The following SANBR variants were observed in gnomAD, a reference collection of about 807,000 sequenced individuals.
The protein encoded by SANBR is SANT and BTB domain regulator of class switch recombination.
In SANBR, 77 loss-of-function variants were observed where a neutral mutation model predicts 101.8. The ratio of observed to expected loss-of-function variants is 0.76; its 90% CI spans 0.63 to 0.91. The LOEUF (loss-of-function observed/expected upper bound fraction) is 0.91, where lower values mean the gene tolerates loss of function less well. Ranked by LOEUF, SANBR falls within the 40% of genes least tolerant of loss-of-function variation. SANBR has a pLI of 0.00. For synonymous variants in SANBR, 279 were observed against 274.7 expected (o/e 1.02, Z -0.15); for missense variants, 875 against 853.0 (o/e 1.03, Z -0.32).
chr2:61,081,628 TA>T, intron 7 of SANBR, 118 bp downstream of exon 7: 1 of 1,119,386 alleles, frequency 8.9e-7, no homozygotes, highest in Non-Finnish European at 1.2e-6. Context: ...AAAAACAATT[TA>T]AAAAATTGTT....
rs1224656517 is a variant in SANBR at position 61,097,833 on chromosome 2, A to G, written c.1346A>G (p.Asp449Gly). The change falls in exon 12 of 22, where the codon GAT (aspartate) becomes GGT (glycine). Residue 449 changes from aspartate to glycine, a missense_variant. Coordinates refer to ENST00000402291, the MANE Select transcript of SANBR (RefSeq NM_001129993.3). Reference sequence around the variant, plus strand: ...TGTAACCAAAAGGTTCTTCGGTTTGATCCTACTCAGCTTACAAAGGTGAAT... The same window carrying G: ...TGTAACCAAAAGGTTCTTCGGTTTGGTCCTACTCAGCTTACAAAGGTGAAT... The part of the protein sequence containing the change: ...PCCNQKVLRF[D>G]PTQLTKGCKV... The G allele has an allele frequency of 1.2e-6, 2 of 1,612,726 alleles. No individual in the cohort carries two copies. Among genetic ancestry groups the G allele is most frequent in the South Asian group, 2.2e-5 (2 of 90,912 alleles).
At chr2:61,096,192 G>A (rs1227974190) in intron 11 of SANBR, among the ~76,000 whole-genome samples, 1 of 152,064 alleles carries the variant, frequency 6.6e-6, no homozygotes, top group African/African-American at 2.4e-5. Context: ...ACCTTCTCAA[G>A]ATCTCCTGCC....
chr2:61,103,284 T>A (rs1402171543), intron 12 of SANBR, among the ~76,000 whole-genome samples: 1 of 151,868 alleles, frequency 6.6e-6, no homozygotes, highest in African/African-American at 2.4e-5. Flanking sequence ...ACTGGAGGCA[T>A]GCACCACCAC....
chr2:61,090,818 T>G (rs1241991754), intron 10 of SANBR: 1 of 152,730 alleles, frequency 6.5e-6, no homozygotes, highest in Non-Finnish European at 1.5e-5. Context: ...TCAAGCGATC[T>G]TCCCACTTCA....
chr2:61,120,910 G>A (rs750471341), intron 20 of SANBR, among the ~76,000 whole-genome samples: 16 of 152,250 alleles, frequency 1.1e-4, no homozygotes, highest in Non-Finnish European at 2.2e-4. Flanking sequence ...TAGGTAGATC[G>A]ACTTGACAGG....
chr2:61,067,771 T>G (rs1681258889), intron 1 of SANBR, among the ~76,000 whole-genome samples: 1 of 152,186 alleles, frequency 6.6e-6, no homozygotes, highest in Admixed American at 6.6e-5. Context: ...CACTATGTGC[T>G]CTAACATGCT....
intron 1 of SANBR, among the ~76,000 whole-genome samples, chr2:61,067,286 C>G (rs966941962): frequency 1.3e-5 from 2 of 152,148 alleles, no homozygotes; most frequent in African/African-American, 4.8e-5. Context: ...AAATTAGTAT[C>G]ACATTTGAAA....
At chr2:61,134,271 C>G in exon 21 of SANBR, 1 of 1,558,050 alleles carries the variant, frequency 6.4e-7, no homozygotes, top group Non-Finnish European at 8.7e-7. Flanking sequence ...TACTGCTTGA[C>G]ATATCGTAAG....
chr2:61,106,390 C>CAAA (rs11364653), intron 13 of SANBR, among the ~76,000 whole-genome samples, 173 bp from the exon 14 acceptor site: 10 of 63,250 alleles, frequency 1.6e-4, no homozygotes, highest in South Asian at 1.5e-3. Context: ...GACTCCATCT[C>CAAA]AAAAAAAAAA....
intron 20 of SANBR, among the ~76,000 whole-genome samples, chr2:61,120,572 A>G (rs192881105): frequency 2.4e-4 from 37 of 152,276 alleles, no homozygotes; most frequent in Admixed American, 2.4e-3. Flanking sequence ...TCTACAAAAA[A>G]TAAGAAATTA....
At chr2:61,085,173 A>G (rs558666236) in intron 8 of SANBR, among the ~76,000 whole-genome samples, 6 of 152,210 alleles carry the variant, frequency 3.9e-5, no homozygotes, top group Non-Finnish European at 8.8e-5. Flanking sequence ...TTAAGAGTAG[A>G]TGAGATTTGA....
intron 6 of SANBR, among the ~76,000 whole-genome samples, chr2:61,079,314 A>G (rs1339281288): frequency 6.6e-6 from 1 of 152,184 alleles, no homozygotes; most frequent in Non-Finnish European, 1.5e-5. Context: ...TGTAATAAGA[A>G]TAATTACTGA....
intron 21 of SANBR, chr2:61,134,363 G>T: frequency 7.3e-7 from 1 of 1,361,228 alleles, no homozygotes; most frequent in East Asian, 2.5e-5. Context: ...CCCATTTTTG[G>T]CTTGGCTCAC....
intron 11 of SANBR, among the ~76,000 whole-genome samples, chr2:61,093,705 TTC>T (rs1391276190): frequency 9.9e-5 from 15 of 152,224 alleles, no homozygotes; most frequent in Admixed American, 9.8e-4. Flanking sequence ...CCAAACTATT[TTC>T]TCTGTTGTTC....
intron 1 of SANBR, among the ~76,000 whole-genome samples, chr2:61,068,484 G>A (rs1438190743): frequency 6.6e-6 from 1 of 152,160 alleles, no homozygotes; most frequent in Non-Finnish European, 1.5e-5. Context: ...CAGACAGTGT[G>A]CGGGTGCTTT....
chr2:61,086,071 T>C (rs535271247), intron 8 of SANBR, among the ~76,000 whole-genome samples: 7 of 152,358 alleles, frequency 4.6e-5, no homozygotes, highest in African/African-American at 1.2e-4. Flanking sequence ...TCCATGAATA[T>C]GGTATAACCT....
At chr2:61,106,706 T>G (rs781007893) in intron 14 of SANBR, 44 bp downstream of exon 14, 1 of 1,116,556 alleles carries the variant, frequency 9.0e-7, no homozygotes, top group South Asian at 1.4e-5. Context: ...CATAAATAAT[T>G]AATGACATTT....
intron 7 of SANBR, among the ~76,000 whole-genome samples, chr2:61,082,240 A>G (rs1163191870): frequency 2.0e-5 from 3 of 152,198 alleles, no homozygotes; most frequent in African/African-American, 7.2e-5. Context: ...ACAGAAAAAA[A>G]GCAGAGACTA....
intron 12 of SANBR, among the ~76,000 whole-genome samples, chr2:61,100,305 A>C (rs1029057415): frequency 6.6e-6 from 1 of 152,120 alleles, no homozygotes; most frequent in East Asian, 1.9e-4. Flanking sequence ...GAGTCTCACC[A>C]TATTGGCCAG....
Sources: allele counts gnomAD v4.1 joint callset (sites outside exome capture counted in the v4.1 genomes callset), GRCh38; gene constraint gnomAD v4.1.1; transcripts MANE v1.5; gene names NCBI Gene and HGNC (gene_info 2026-07-23, HGNC 2026-07-21).